The following NCALD variants were observed in gnomAD, a reference collection of about 807,000 sequenced individuals.
NCALD encodes neurocalcin delta.
NCALD carries 10 observed loss-of-function variants against 18.6 expected under a neutral mutation model. That is an observed-to-expected ratio of 0.54 (90% CI 0.33 to 0.91). The LOEUF (loss-of-function observed/expected upper bound fraction) is 0.91, where lower values mean the gene tolerates loss of function less well. Among genes scored for constraint, NCALD ranks in the 40% least tolerant of loss-of-function variants. The probability of loss-of-function intolerance (pLI) is 0.03; values close to 1 mark genes in which losing one functional copy is unlikely to be tolerated. For synonymous variants in NCALD, 88 were observed against 87.4 expected (o/e 1.01, Z -0.04); for missense variants, 184 against 247.6 (o/e 0.74, Z 1.72).
At chr8:102,053,940 C>A (rs1823540368) in intron 1 of NCALD, among the ~76,000 whole-genome samples, 1 of 152,082 alleles carries the variant, frequency 6.6e-6, no homozygotes. Flanking sequence ...AAATGCTTTA[C>A]ATCTTTCTTT....
chr8:101,838,652 C>A (rs1329835127), intron 4 of NCALD, among the ~76,000 whole-genome samples: 1 of 152,226 alleles, frequency 6.6e-6, no homozygotes. Flanking sequence ...AGTAAACCTG[C>A]ATTCAATCAT....
intron 2 of NCALD, among the ~76,000 whole-genome samples, chr8:102,011,413 G>A (rs1317685454): frequency 1.3e-5 from 2 of 152,120 alleles, no homozygotes; most frequent in Non-Finnish European, 2.9e-5. Context: ...AGGAAGTCAC[G>A]AGGTCTCACT....
chr8:102,102,978 C>T (rs1347645466), intron 1 of NCALD, among the ~76,000 whole-genome samples: 2 of 152,144 alleles, frequency 1.3e-5, no homozygotes, highest in South Asian at 2.1e-4. Context: ...ATGCTCAAGA[C>T]GCTGATTGAT....
intron 1 of NCALD, among the ~76,000 whole-genome samples, chr8:101,758,187 C>T (rs1036226945): frequency 1.1e-4 from 17 of 152,294 alleles, no homozygotes; most frequent in African/African-American, 4.1e-4. Flanking sequence ...CAGTCTAATA[C>T]TACAAATGGC....
In NCALD at chr8:101,817,307, G is replaced by A. The variant is rs112988268; in HGVS notation, c.-20+69834C>T. Among the ~76,000 whole-genome samples, 902 of 152,268 alleles carry A rather than the reference G, an allele frequency of 5.9e-3. 12 individuals carry two copies. The highest frequency in any genetic ancestry group is 0.018 in the African/African-American group (767 of 41,560). On this transcript the variant is annotated intron_variant, in intron 4 of 6. Coordinates refer to the NCALD transcript ENST00000311028. ...GGAGCGCCTGGGAAGCAGATCAAGCGCTTGATTAGGATGCCATCCTCTTCA... is the reference window on the plus strand; with the variant it reads ...GGAGCGCCTGGGAAGCAGATCAAGCACTTGATTAGGATGCCATCCTCTTCA...
chr8:101,924,651 A>C (rs1355048548), intron 2 of NCALD, among the ~76,000 whole-genome samples: 2 of 152,224 alleles, frequency 1.3e-5, no homozygotes, highest in Non-Finnish European at 1.5e-5. Context: ...TACCATCGGG[A>C]CCAGAGAGCT....
At chr8:101,705,880 G>A (rs1815495504) in intron 2 of NCALD, among the ~76,000 whole-genome samples, 2 of 152,216 alleles carry the variant, frequency 1.3e-5, no homozygotes, top group Admixed American at 6.5e-5. Context: ...TTCTGCCCAA[G>A]TATCAGATTC....
chr8:102,119,002 G>A (rs1825869825), intron 1 of NCALD, among the ~76,000 whole-genome samples: 1 of 152,202 alleles, frequency 6.6e-6, no homozygotes, highest in South Asian at 2.1e-4. Flanking sequence ...TACCACCGTG[G>A]AAAACAGTGG....
At chr8:101,947,296 T>C (rs1292773434) in intron 2 of NCALD, among the ~76,000 whole-genome samples, 1 of 152,108 alleles carries the variant, frequency 6.6e-6, no homozygotes, top group Non-Finnish European at 1.5e-5. Flanking sequence ...ATTATGCGAG[T>C]GTTTTGAGAA....
At chr8:101,818,559 G>A (rs1036923121) in intron 4 of NCALD, among the ~76,000 whole-genome samples, 2 of 152,152 alleles carry the variant, frequency 1.3e-5, no homozygotes, top group Non-Finnish European at 1.5e-5. Flanking sequence ...TCTTCCACAA[G>A]ACTTCAACAC....
chr8:101,851,067 G>A (rs1030960015), intron 4 of NCALD, among the ~76,000 whole-genome samples: 3 of 152,116 alleles, frequency 2.0e-5, no homozygotes, highest in African/African-American at 7.2e-5. Flanking sequence ...AACATGTTTA[G>A]TAAATCTTAA....
intron 4 of NCALD, among the ~76,000 whole-genome samples, chr8:101,861,558 C>T (rs506026): frequency 1.3e-5 from 2 of 151,048 alleles, no homozygotes; most frequent in African/African-American, 2.4e-5. Flanking sequence ...AAAAAAAAAA[C>T]CAAAAACAAA....
At position 102,006,030 on chromosome 8, in the gene NCALD, A is replaced by G. The variant is rs952832163; in HGVS notation, c.-157+14207T>C. On this transcript the variant is annotated intron_variant, in intron 2 of 6. Coordinates refer to the NCALD transcript ENST00000311028. ...TGTACCCTAAAACTTAAAGTATAAT[A>G]ATAAAAAAAAAAAACTGGAGAGTTA... Among the ~76,000 whole-genome samples the G allele has an allele frequency of 1.6e-4, 24 of 149,166 alleles. 1 individual carries two copies. Among genetic ancestry groups the G allele is most frequent in the Non-Finnish European group, 2.5e-4 (17 of 67,362 alleles).
chr8:101,690,582 C>A, intron 3 of NCALD: 1 of 985,436 alleles, frequency 1.0e-6, no homozygotes, highest in Non-Finnish European at 1.2e-6. Context: ...CCTCCCCCAA[C>A]AGAAACACCA....
At chr8:101,976,374 G>T (rs778503117) in intron 2 of NCALD, among the ~76,000 whole-genome samples, 6 of 152,228 alleles carry the variant, frequency 3.9e-5, no homozygotes, top group Admixed American at 3.9e-4. Flanking sequence ...GGGACCCCCC[G>T]ACTAATAACG....
chr8:102,047,455 T>A (rs1823287480), intron 1 of NCALD, among the ~76,000 whole-genome samples: 1 of 152,218 alleles, frequency 6.6e-6, no homozygotes, highest in Admixed American at 6.5e-5. Flanking sequence ...CCGCCTGGTA[T>A]GGTAGCCGCT....
At chr8:101,923,056 G>T (rs2131662527) in intron 2 of NCALD, among the ~76,000 whole-genome samples, 1 of 152,248 alleles carries the variant, frequency 6.6e-6, no homozygotes, top group South Asian at 2.1e-4. Context: ...CATCCCTCAT[G>T]AATGGAATTA....
chr8:101,740,827 T>A (rs2092065980), intron 1 of NCALD, among the ~76,000 whole-genome samples: 1 of 152,192 alleles, frequency 6.6e-6, no homozygotes, highest in South Asian at 2.1e-4. Flanking sequence ...TTTACTCACA[T>A]ACCATGCTGC....
intron 3 of NCALD, among the ~76,000 whole-genome samples, chr8:101,893,449 C>T: frequency 6.8e-6 from 1 of 147,394 alleles, no homozygotes; most frequent in Non-Finnish European, 1.5e-5. Flanking sequence ...GAAGAAACTG[C>T]ATCAACTAAC....
Sources: gnomAD v4.1 joint callset for allele counts (sites outside exome capture counted in the v4.1 genomes callset) on GRCh38, gnomAD v4.1.1 for gene constraint, MANE v1.5 for transcripts, NCBI Gene and HGNC (gene_info 2026-07-23, HGNC 2026-07-21) for gene names.